TSHZ3: variants seen among roughly 807,000 people sequenced by gnomAD.
The protein encoded by TSHZ3 is teashirt zinc finger homeobox 3.
TSHZ3 carries 10 observed loss-of-function variants against 64.5 expected under a neutral mutation model. That is an observed-to-expected ratio of 0.16 (90% CI 0.10 to 0.26). The LOEUF (loss-of-function observed/expected upper bound fraction) is 0.26, where lower values mean the gene tolerates loss of function less well. TSHZ3 is among the 10% of genes least tolerant of loss of function. The pLI, the probability that TSHZ3 is intolerant of heterozygous loss-of-function variation, is 1.00. For missense variants in TSHZ3, 1,242 were observed against 1,421.7 expected (o/e 0.87, Z 2.03); for synonymous variants, 608 against 593.1 (o/e 1.03, Z -0.36).
At chr19:31,215,233 A>G (rs1975311021) in intron 4 of TSHZ3, among the ~76,000 whole-genome samples, 2 of 152,204 alleles carry the variant, frequency 1.3e-5, no homozygotes, top group Admixed American at 6.5e-5. Flanking sequence ...TTACTCAAAA[A>G]GGAAAATTGC....
chr19:31,158,743 T>C (rs954298239), intron 5 of TSHZ3, among the ~76,000 whole-genome samples: 1 of 152,276 alleles, frequency 6.6e-6, no homozygotes, highest in South Asian at 2.1e-4. Context: ...GGTGGCCCCA[T>C]ATGGGGATGA....
At chr19:31,220,899 G>A (rs1394192372) in intron 4 of TSHZ3, among the ~76,000 whole-genome samples, 1 of 152,178 alleles carries the variant, frequency 6.6e-6, no homozygotes, top group Non-Finnish European at 1.5e-5. Context: ...AGACTGAAAT[G>A]TGCACCACTT....
chr19:31,314,223 C>T (rs931771546), intron 1 of TSHZ3, among the ~76,000 whole-genome samples: 3 of 152,324 alleles, frequency 2.0e-5, no homozygotes, highest in East Asian at 1.9e-4. Context: ...ACAGTCTGCA[C>T]GAGAGATGCT....
chr19:31,162,245 T>C (rs1399704182), intron 5 of TSHZ3, among the ~76,000 whole-genome samples: 4 of 151,978 alleles, frequency 2.6e-5, no homozygotes, highest in Non-Finnish European at 4.4e-5. Flanking sequence ...ACTGATGAAA[T>C]ACTTAAAAAA....
intron 4 of TSHZ3, among the ~76,000 whole-genome samples, chr19:31,212,482 A>G (rs1975270737): frequency 6.6e-6 from 1 of 152,096 alleles, no homozygotes. Flanking sequence ...ATAAAGAAAA[A>G]TAAAAAGCAA....
intron 4 of TSHZ3, among the ~76,000 whole-genome samples, chr19:31,217,149 T>C (rs1404931499): frequency 6.6e-6 from 1 of 152,146 alleles, no homozygotes; most frequent in Non-Finnish European, 1.5e-5. Flanking sequence ...ACATCCAACC[T>C]GTGAAAATCT....
intron 1 of TSHZ3, 137 bp downstream of exon 1, chr19:31,349,043 A>C (rs1292034007): frequency 4.3e-6 from 5 of 1,152,190 alleles, no homozygotes; most frequent in Non-Finnish European, 3.5e-6. Context: ...GCACGCACCC[A>C]AACAGGAGAG....
chr19:31,310,455 A>G (rs1916426204), intron 1 of TSHZ3, among the ~76,000 whole-genome samples: 1 of 152,162 alleles, frequency 6.6e-6, no homozygotes, highest in Non-Finnish European at 1.5e-5. Context: ...TATCTGCTGC[A>G]TGGATGAATG....
At chr19:31,162,504 G>A (rs866251216) in intron 5 of TSHZ3, among the ~76,000 whole-genome samples, 15 of 151,802 alleles carry the variant, frequency 9.9e-5, no homozygotes, top group African/African-American at 3.4e-4. Context: ...GCTTTTTTCC[G>A]ACTTTCTTGG....
rs1256365736 is a variant in TSHZ3, at chr19:31,266,148, T to A, written n.64-23273A>T. On this transcript the variant is annotated intron_variant and non_coding_transcript_variant, in intron 1 of 6. Coordinates refer to the TSHZ3 transcript ENST00000651361. ...GGACCTCAGGGAGCCCATGTCCCCC[T>A]ACACTTAAGCATCTTAAGCAACACT... 2.6e-5 allele frequency among the ~76,000 whole-genome samples: 4 copies of A among 152,144 alleles called. No individual in the cohort carries two copies. In the South Asian group the frequency reaches 6.2e-4, roughly 24 times the overall value.
intron 1 of TSHZ3, among the ~76,000 whole-genome samples, chr19:31,346,908 C>G (rs1202756202): frequency 6.6e-6 from 1 of 151,804 alleles, no homozygotes; most frequent in Non-Finnish European, 1.5e-5. Flanking sequence ...ACCCCCTCCT[C>G]CACATGTCCA....
chr19:31,153,673 T>G (rs1445123774), intron 6 of TSHZ3, among the ~76,000 whole-genome samples: 1 of 152,244 alleles, frequency 6.6e-6, no homozygotes, highest in Non-Finnish European at 1.5e-5. Context: ...AGCTTTGTCC[T>G]TCTTGTTTGC....
chr19:31,302,858 A>C (rs1434038851), intron 1 of TSHZ3, among the ~76,000 whole-genome samples: 1 of 152,160 alleles, frequency 6.6e-6, no homozygotes, highest in Non-Finnish European at 1.5e-5. Flanking sequence ...ATAAGGCCAA[A>C]ATTTAGGGTG....
intron 1 of TSHZ3, among the ~76,000 whole-genome samples, chr19:31,262,777 CG>C (rs1288871174): frequency 2.6e-5 from 4 of 152,104 alleles, no homozygotes; most frequent in Non-Finnish European, 5.9e-5. Flanking sequence ...CTCCTTCTGA[CG>C]AAATTCGAGC....
chr19:31,305,134 C>T (rs1043577193), intron 1 of TSHZ3, among the ~76,000 whole-genome samples: 10 of 152,066 alleles, frequency 6.6e-5, no homozygotes, highest in Non-Finnish European at 5.9e-5. Context: ...TAAAAAAATA[C>T]GGCAGCTTCC....
At chr19:31,155,070 G>A (rs761871506) in intron 6 of TSHZ3, among the ~76,000 whole-genome samples, 1 of 152,238 alleles carries the variant, frequency 6.6e-6, no homozygotes, top group African/African-American at 2.4e-5. Context: ...TAATTCCAAA[G>A]AGAAGGACCA....
intron 3 of TSHZ3, among the ~76,000 whole-genome samples, chr19:31,234,784 T>C (rs181352209): frequency 6.6e-6 from 1 of 152,362 alleles, no homozygotes; most frequent in Non-Finnish European, 1.5e-5. Flanking sequence ...GGATTTTGCT[T>C]TGTGTGTTCA....
chr19:31,346,002 A>G (rs1438335129), intron 1 of TSHZ3, among the ~76,000 whole-genome samples: 1 of 152,180 alleles, frequency 6.6e-6, no homozygotes, highest in African/African-American at 2.4e-5. Flanking sequence ...ACTCCCGCCC[A>G]GGTTTCTCTT....
intron 1 of TSHZ3, among the ~76,000 whole-genome samples, chr19:31,337,561 C>T (rs748920618): frequency 6.6e-6 from 1 of 152,184 alleles, no homozygotes; most frequent in Non-Finnish European, 1.5e-5. Context: ...GGAACAACAT[C>T]ACCTTTGTAC....
Sources: allele counts gnomAD v4.1 joint callset (sites outside exome capture counted in the v4.1 genomes callset), GRCh38; gene constraint gnomAD v4.1.1; transcripts MANE v1.5; gene names NCBI Gene and HGNC (gene_info 2026-07-23, HGNC 2026-07-21).